The following SLC4A4 variants were observed in gnomAD, a reference collection of about 807,000 sequenced individuals.
SLC4A4 encodes solute carrier family 4 member 4, also known as electrogenic sodium bicarbonate cotransporter 1.
In SLC4A4, 27 loss-of-function variants were observed where a neutral mutation model predicts 111.5. The ratio of observed to expected loss-of-function variants is 0.24; its 90% confidence interval spans 0.18 to 0.33. The LOEUF (loss-of-function observed/expected upper bound fraction) is 0.33. SLC4A4 is among the 10% of genes least tolerant of loss of function. The pLI, the probability that SLC4A4 is intolerant of heterozygous loss-of-function variation, is 1.00. For synonymous variants in SLC4A4, 443 were observed against 463.4 expected, an observed-to-expected ratio of 0.96 and a Z score of 0.57; for missense variants, 909 against 1,315.5, an observed-to-expected ratio of 0.69 and a Z score of 4.78.
At chr4:71,270,447 T>G (rs1722627305) in intron 3 of SLC4A4, among the ~76,000 whole-genome samples, 1 of 152,222 alleles carries the variant, frequency 6.6e-6, no homozygotes. Context: ...ATACTAGGAA[T>G]TTCCTTCTTT....
At chr4:71,405,721 T>C (rs1230939183) in intron 7 of SLC4A4, among the ~76,000 whole-genome samples, 1 of 152,220 alleles carries the variant, frequency 6.6e-6, no homozygotes, top group African/African-American at 2.4e-5. Context: ...TATTTGCTGG[T>C]CAGATTTGAG....
intron 5 of SLC4A4, among the ~76,000 whole-genome samples, chr4:71,355,011 G>A (rs1286494805): frequency 2.0e-5 from 3 of 152,158 alleles, no homozygotes; most frequent in African/African-American, 7.2e-5. Flanking sequence ...TCCTTTGAAG[G>A]ATTTTGTCGT....
chr4:71,352,007 A>T (rs2148905209), intron 5 of SLC4A4, among the ~76,000 whole-genome samples: 1 of 152,336 alleles, frequency 6.6e-6, no homozygotes, highest in African/African-American at 2.4e-5. Flanking sequence ...GAGATCTTGG[A>T]TTATGGTACC....
intron 16 of SLC4A4, among the ~76,000 whole-genome samples, chr4:71,526,369 A>G (rs1316833981): frequency 6.6e-6 from 1 of 152,092 alleles, no homozygotes; most frequent in South Asian, 2.1e-4. Context: ...TATGCAGACT[A>G]TATCACCCTG....
At chr4:71,152,987 G>T (rs1355192216) in intron 2 of SLC4A4, among the ~76,000 whole-genome samples, 1 of 142,806 alleles carries the variant, frequency 7.0e-6, no homozygotes, top group Non-Finnish European at 1.5e-5. Flanking sequence ...AAATATATAT[G>T]TGTATATATA....
intron 1 of SLC4A4, among the ~76,000 whole-genome samples, chr4:71,222,776 T>C (rs1718824954): frequency 1.3e-5 from 2 of 152,234 alleles, no homozygotes. Flanking sequence ...AGATAAAAGT[T>C]GTTTTTCTGC....
At chr4:71,423,090 C>T (rs2149027115) in intron 7 of SLC4A4, among the ~76,000 whole-genome samples, 1 of 152,226 alleles carries the variant, frequency 6.6e-6, no homozygotes, top group East Asian at 1.9e-4. Flanking sequence ...TAGAAAACCC[C>T]ATTGTCTCAG....
Position 71,532,045 on chromosome 4 carries a change from C to A in SLC4A4, c.2167-17C>A. 1 of 1,510,574 alleles carries A rather than the reference C, an allele frequency of 6.6e-7. No homozygotes were observed. Among genetic ancestry groups the A allele is most frequent in the East Asian group, 2.3e-5 (1 of 44,166 alleles). 93.6% of individuals were successfully genotyped at this position (1,510,574 alleles called of 1,614,324 possible). A position where few individuals can be genotyped will look rare whatever the true frequency, so the allele number is the denominator to read the frequency against. ...TCTGGTGCTAAATGGTTCCTGGTTT[C>A]TTTTTTATTTTTCCAGGCAAGAAAA... On this transcript the variant is annotated splice_polypyrimidine_tract_variant and intron_variant, in intron 16 of 25. Transcript: ENST00000264485.
Position 71,357,147 on chromosome 4 carries a change from A to C in SLC4A4, c.690A>C (p.Thr230=). ...NLRSLADIGK[T]VSSASRMFTN... The stretch of plus-strand genomic sequence containing the variant: ...GGTCCCTGGCTGACATTGGGAAGAC[A>C]GTCTCCAGTGCAAGTAGGATGTTTA... Residue 230 remains threonine (T), a synonymous_variant, in exon 6 of 26, where the codon ACA becomes ACC. Transcript: ENST00000264485. The C allele has an allele frequency of 6.2e-7, 1 of 1,614,186 alleles. No homozygotes were observed. Among genetic ancestry groups the C allele is most frequent in the Non-Finnish European group, 8.5e-7 (1 of 1,180,034 alleles).
At chr4:71,425,265 G>A (rs760750457) in intron 7 of SLC4A4, among the ~76,000 whole-genome samples, 12 of 152,060 alleles carry the variant, frequency 7.9e-5, no homozygotes, top group Non-Finnish European at 1.6e-4. Context: ...TGTTGGCTGA[G>A]GTTTTGTCTT....
At chr4:71,300,415 T>G (rs77805022) in intron 3 of SLC4A4, 8,829 of 232,908 alleles carry the variant, frequency 0.038, 240 homozygotes, top group East Asian at 0.11. Flanking sequence ...ATGCTGCTGC[T>G]GTGCTTCATG....
intron 24 of SLC4A4, among the ~76,000 whole-genome samples, chr4:71,564,199 G>T: frequency 6.8e-6 from 1 of 147,290 alleles, no homozygotes; most frequent in South Asian, 2.2e-4. Flanking sequence ...TGTTGGTATT[G>T]AGAATTGCAG....
At chr4:71,542,183 A>G (rs1735132639) in intron 18 of SLC4A4, among the ~76,000 whole-genome samples, 1 of 152,166 alleles carries the variant, frequency 6.6e-6, no homozygotes, top group African/African-American at 2.4e-5. Context: ...ACTGTACTAG[A>G]CATGGTAAGC....
chr4:71,212,675 C>T (rs554878491), intron 1 of SLC4A4, among the ~76,000 whole-genome samples: 31 of 152,116 alleles, frequency 2.0e-4, no homozygotes, highest in Admixed American at 5.2e-4. Context: ...TGTGTGCACG[C>T]GTTTGTGTGT....
At chr4:71,412,156 T>C (rs2149002533) in intron 7 of SLC4A4, among the ~76,000 whole-genome samples, 1 of 152,338 alleles carries the variant, frequency 6.6e-6, no homozygotes, top group East Asian at 1.9e-4. Context: ...AAGAGTAAGA[T>C]AAACTATGTA....
chr4:71,489,953 G>A (rs1425923274), intron 15 of SLC4A4, among the ~76,000 whole-genome samples: 1 of 151,770 alleles, frequency 6.6e-6, no homozygotes, highest in Non-Finnish European at 1.5e-5. Context: ...AAGAGCAGGA[G>A]AGAGGGGTAT....
rs1726476265 is a variant in SLC4A4 at position 71,458,221 on chromosome 4, A to G, written c.1497+4552A>G. Among the ~76,000 whole-genome samples the G allele has an allele frequency of 2.0e-5, 3 of 152,192 alleles. No individual in the cohort carries two copies. In the South Asian group the frequency reaches 6.2e-4, roughly 32 times the overall value. On this transcript the variant is annotated intron_variant, in intron 12 of 25. Coordinates refer to ENST00000264485, the MANE Select transcript of SLC4A4 (RefSeq NM_001098484.3). Reference sequence around the variant, plus strand: ...CTACTATTGGTTGTTCATTCAAAGTACTGTCTGAATGGAACCTATGCAAAT... The same window carrying G: ...CTACTATTGGTTGTTCATTCAAAGTGCTGTCTGAATGGAACCTATGCAAAT...
chr4:71,139,029 C>A (rs181891547), intron 2 of SLC4A4, among the ~76,000 whole-genome samples: 2,070 of 125,934 alleles, frequency 0.016, 59 homozygotes, highest in African/African-American at 0.066. Context: ...GAGTGAGACT[C>A]CGTCTCAAAA....
intron 6 of SLC4A4, among the ~76,000 whole-genome samples, chr4:71,360,265 C>T (rs1730654621): frequency 6.6e-6 from 1 of 152,014 alleles, no homozygotes; most frequent in Non-Finnish European, 1.5e-5. Flanking sequence ...TATACTGGTA[C>T]CTTGAAATGG....
Sources: allele counts gnomAD v4.1 joint callset (sites outside exome capture counted in the v4.1 genomes callset), GRCh38; gene constraint gnomAD v4.1.1; transcripts MANE v1.5; gene names NCBI Gene and HGNC (gene_info 2026-07-23, HGNC 2026-07-21).